The following SOS1 variants were observed in gnomAD, a reference collection of about 807,000 sequenced individuals.
SOS1 encodes the protein SOS Ras/Rac guanine nucleotide exchange factor 1.
In SOS1, 25 loss-of-function variants were observed where a neutral mutation model predicts 157.6. That is an observed-to-expected ratio of 0.16 (90% CI 0.12 to 0.22). SOS1 has a LOEUF of 0.22. Ranked by LOEUF, SOS1 falls within the 10% of genes least tolerant of loss-of-function variation. The pLI is 1.00. For synonymous variants in SOS1, 528 were observed against 534.0 expected, an observed-to-expected ratio of 0.99 and a Z score of 0.16; for missense variants, 1,237 against 1,599.1, an observed-to-expected ratio of 0.77 and a Z score of 3.86.
chr2:39,122,179 C>T (rs1219949007), upstream of SOS1, among the ~76,000 whole-genome samples: 4 of 152,150 alleles, frequency 2.6e-5, no homozygotes, highest in African/African-American at 7.2e-5. Context: ...CCTGTAATCC[C>T]AGCACTTTAG....
At chr2:39,044,831 G>A (rs951062412) in intron 6 of SOS1, among the ~76,000 whole-genome samples, 7 of 149,332 alleles carry the variant, frequency 4.7e-5, no homozygotes, top group Non-Finnish European at 8.9e-5. Flanking sequence ...TATACTGAGG[G>A]ATGACTGTGT....
intron 8 of SOS1, among the ~76,000 whole-genome samples, chr2:39,025,350 A>C (rs182650238): frequency 7.9e-5 from 12 of 151,688 alleles, no homozygotes; most frequent in Admixed American, 7.2e-4. Context: ...AAAGAAGTTT[A>C]TTTTTCTTTT....
At chr2:39,035,714 C>G (rs1397202541) in intron 6 of SOS1, among the ~76,000 whole-genome samples, 1 of 151,992 alleles carries the variant, frequency 6.6e-6, no homozygotes, top group Non-Finnish European at 1.5e-5. Context: ...TAATAAAATC[C>G]TTATATGTTA....
intron 1 of SOS1, among the ~76,000 whole-genome samples, chr2:39,119,587 T>G (rs961524037): frequency 2.0e-5 from 3 of 152,236 alleles, no homozygotes; most frequent in African/African-American, 7.2e-5. Flanking sequence ...ACACTGCTGC[T>G]TTAGAAGCTT....
chr2:39,078,526 A>C (rs1441765214), intron 1 of SOS1, among the ~76,000 whole-genome samples: 3 of 119,818 alleles, frequency 2.5e-5, no homozygotes, highest in Non-Finnish European at 5.5e-5. Flanking sequence ...GCCACAGAGC[A>C]GGTGAGCAGC....
intron 8 of SOS1, among the ~76,000 whole-genome samples, chr2:39,033,352 A>G (rs547870743): frequency 6.6e-6 from 1 of 152,340 alleles, no homozygotes; most frequent in African/African-American, 2.4e-5. Context: ...TTAAATCAGT[A>G]GAAATCTTAA....
In SOS1 at chr2:39,022,991, T is replaced by C; in HGVS notation, c.1437A>G (p.Arg479=). Residue 479 remains arginine, a synonymous_variant, in exon 10 of 23, where the codon AGA becomes AGG. Coordinates refer to ENST00000402219, the MANE Select transcript of SOS1 (RefSeq NM_005633.4). ...ICCKSNHGQP[R]LPGASNAEYR... ...ATTCTGCATTGCTAGCACCAGGAAG[T>C]CTTGGCTGCCCATGATTTGATTTAC... 9 of 1,613,868 alleles carry C rather than the reference T, an allele frequency of 5.6e-6. No individual in the cohort carries two copies. Among genetic ancestry groups the C allele is most frequent in the Non-Finnish European group, 7.6e-6 (9 of 1,179,840 alleles).
intron 6 of SOS1, among the ~76,000 whole-genome samples, chr2:39,044,862 G>GCACACACACA (rs1271039137): frequency 2.1e-4 from 7 of 33,130 alleles, no homozygotes; most frequent in South Asian, 9.0e-4. Context: ...GCGCGCGCGC[G>GCACACACACA]CGCACACACA....
intron 4 of SOS1, 51 bp from the exon 5 acceptor site, chr2:39,054,874 G>T (rs747753811): frequency 1.0e-6 from 1 of 973,202 alleles, no homozygotes; most frequent in Non-Finnish European, 1.6e-6. Context: ...AGCTTTCGTA[G>T]AATTTGATGT....
intron 15 of SOS1, 70 bp downstream of exon 15, chr2:39,010,514 C>T: frequency 2.5e-5 from 37 of 1,474,144 alleles, no homozygotes; most frequent in Non-Finnish European, 3.3e-5. Context: ...AAAAAACAAA[C>T]AAAAAAATTG....
intron 6 of SOS1, among the ~76,000 whole-genome samples, chr2:39,049,651 G>C (rs1670927125): frequency 6.6e-6 from 1 of 152,066 alleles, no homozygotes; most frequent in Non-Finnish European, 1.5e-5. Flanking sequence ...ATGCTTCTTA[G>C]TGGGAGACTT....
intron 1 of SOS1, among the ~76,000 whole-genome samples, chr2:39,070,894 G>A (rs1221123541): frequency 2.0e-5 from 3 of 152,042 alleles, no homozygotes; most frequent in South Asian, 2.1e-4. Context: ...ATGGAGTCTC[G>A]CTCTGTCACT....
chr2:39,026,263 A>G (rs752949721), intron 8 of SOS1, among the ~76,000 whole-genome samples: 3 of 151,896 alleles, frequency 2.0e-5, no homozygotes, highest in Non-Finnish European at 4.4e-5. Context: ...GCTGAGGCAG[A>G]AGAATCGCCT....
intron 19 of SOS1, among the ~76,000 whole-genome samples, chr2:38,996,116 C>T (rs1037928523): frequency 6.6e-6 from 1 of 151,812 alleles, no homozygotes; most frequent in Admixed American, 6.6e-5. Flanking sequence ...ACGAGTCTTG[C>T]TCTGTCTCCC....
intron 19 of SOS1, among the ~76,000 whole-genome samples, chr2:38,996,596 A>G (rs1668901878): frequency 6.6e-6 from 1 of 152,202 alleles, no homozygotes; most frequent in African/African-American, 2.4e-5. Context: ...TTAAAATGTC[A>G]TAAGTAGATA....
intron 14 of SOS1, 99 bp from the exon 15 acceptor site, chr2:39,010,802 T>C: frequency 3.2e-6 from 3 of 948,976 alleles, no homozygotes; most frequent in Non-Finnish European, 5.0e-6. Context: ...AACTCTCATA[T>C]GAACTTTCCT....
rs941272650 is a variant in SOS1 at position 39,063,416 on chromosome 2, G to A, written c.213+4212C>T. On this transcript the variant is annotated intron_variant, in intron 2 of 22. Transcript: ENST00000402219. The stretch of plus-strand genomic sequence containing the variant: ...GGGACTTAAGCATCCATGGATTTTG[G>A]TATCTTCAGGCAGCAGCCTGCAACC... 4.6e-5 allele frequency among the ~76,000 whole-genome samples: 7 copies of A among 152,258 alleles called. No individual in the cohort carries two copies. The East Asian group carries it at 9.6e-4, about 21-fold the overall frequency.
Position 39,022,646 on chromosome 2 carries a change from G to A in SOS1, c.1782C>T (p.Pro594=), listed in dbSNP as rs1407044773. ...CTTTGATAATTGGAATTCCAGCCTT[G>A]GGCTGCATGTTCTCTTCAAATATAA... ...ENIIFEENMQ[P]KAGIPIIKAG... is the part of the protein sequence containing the mutation. The change falls in exon 10 of 23, where the codon CCC becomes CCT. Residue 594 remains proline, a synonymous_variant. Transcript: ENST00000402219. 4 of 1,612,978 alleles carry A rather than the reference G, an allele frequency of 2.5e-6. No individual in the cohort carries two copies. Among genetic ancestry groups the A allele is most frequent in the Non-Finnish European group, 3.4e-6 (4 of 1,179,130 alleles).
intron 8 of SOS1, among the ~76,000 whole-genome samples, chr2:39,034,484 A>G (rs1212217648): frequency 6.6e-6 from 1 of 152,236 alleles, no homozygotes; most frequent in Non-Finnish European, 1.5e-5. Context: ...CTATTAATGC[A>G]TGTCTTCTTT....
Sources: allele counts gnomAD v4.1 joint callset (sites outside exome capture counted in the v4.1 genomes callset), GRCh38; gene constraint gnomAD v4.1.1; transcripts MANE v1.5; gene names NCBI Gene and HGNC (gene_info 2026-07-23, HGNC 2026-07-21).